FBP2: variants seen among roughly 807,000 people sequenced by gnomAD.
FBP2 encodes fructose-1,6-bisphosphatase isozyme 2.
FBP2 carries 27 observed loss-of-function variants against 31.6 expected under a neutral mutation model. The ratio of observed to expected loss-of-function variants is 0.85; its 90% CI spans 0.63 to 1.18. The LOEUF (loss-of-function observed/expected upper bound fraction) is 1.18. Ranked by LOEUF, FBP2 falls within the 50% of genes most tolerant of loss-of-function variation. FBP2 has a pLI of 0.00. For missense variants in FBP2, 421 were observed against 436.1 expected (o/e 0.97, Z 0.31); for synonymous variants, 168 against 179.8 (o/e 0.93, Z 0.53).
chr9:94,560,341 TTGAAA>T (rs1474839123), intron 6 of FBP2, among the ~76,000 whole-genome samples: 3 of 152,138 alleles, frequency 2.0e-5, no homozygotes, highest in African/African-American at 7.2e-5. Context: ...ACGCAGTGAA[TTGAAA>T]TGAATGGGGT....
chr9:94,569,295 C>T (rs993027734), intron 4 of FBP2: 11 of 152,410 alleles, frequency 7.2e-5, no homozygotes, highest in East Asian at 1.9e-4. Flanking sequence ...AGACCACTGC[C>T]GTGCTTCCTG....
At chr9:94,586,544 A>G (rs1194321726) in intron 2 of FBP2, 1 of 152,232 alleles carries the variant, frequency 6.6e-6, no homozygotes, top group African/African-American at 2.4e-5. Context: ...TAATAGTGTG[A>G]TGTAGCTAAA....
intron 3 of FBP2, among the ~76,000 whole-genome samples, chr9:94,574,562 C>T (rs514222): frequency 0.26 from 40,140 of 151,932 alleles, 6,711 homozygotes; most frequent in East Asian, 0.53. Flanking sequence ...TTGTATATGT[C>T]ACAAATATTT....
chr9:94,589,310 A>G (rs1474866901), intron 1 of FBP2, among the ~76,000 whole-genome samples: 2 of 152,136 alleles, frequency 1.3e-5, no homozygotes, highest in East Asian at 1.9e-4. Flanking sequence ...TTCCCACCAC[A>G]GCAGTGCTCT....
At chr9:94,572,433 G>A (rs1457255932) in intron 3 of FBP2, among the ~76,000 whole-genome samples, 1 of 152,196 alleles carries the variant, frequency 6.6e-6, no homozygotes, top group African/African-American at 2.4e-5. Flanking sequence ...CTGGAGTACA[G>A]CATTGTTGTG....
chr9:94,579,073 T>TAAAAAAAAAAAAA (rs1827347830), intron 3 of FBP2, among the ~76,000 whole-genome samples: 2 of 35,742 alleles, frequency 5.6e-5, no homozygotes, highest in Admixed American at 5.4e-4. Context: ...AAAAAAAGGT[T>TAAAAAAAAAAAAA]ATTTTAAAAG....
intron 3 of FBP2, among the ~76,000 whole-genome samples, chr9:94,576,405 G>A (rs1827314861): frequency 6.6e-6 from 1 of 152,206 alleles, no homozygotes; most frequent in African/African-American, 2.4e-5. Context: ...TGCAGGCAGT[G>A]AGCATGTGGA....
At chr9:94,582,850 C>CTTTT (rs1174064928) in intron 3 of FBP2, among the ~76,000 whole-genome samples, 4 of 107,546 alleles carry the variant, frequency 3.7e-5, no homozygotes, top group East Asian at 2.6e-4. Context: ...TCCCAGCCCC[C>CTTTT]TTTTTTTTTT....
chr9:94,590,500 C>T (rs1022156340), intron 1 of FBP2, among the ~76,000 whole-genome samples: 1 of 152,170 alleles, frequency 6.6e-6, no homozygotes, highest in Admixed American at 6.5e-5. Context: ...GTCTCACTGA[C>T]TTCAAGAATG....
chr9:94,579,353 AT>A (rs1378453765), intron 3 of FBP2, among the ~76,000 whole-genome samples: 1 of 137,366 alleles, frequency 7.3e-6, no homozygotes, highest in Non-Finnish European at 1.5e-5. Flanking sequence ...AGCCGAGATT[AT>A]GCCACCGCAC....
intron 1 of FBP2, among the ~76,000 whole-genome samples, chr9:94,592,097 T>C (rs1827510010): frequency 6.6e-6 from 1 of 152,116 alleles, no homozygotes; most frequent in African/African-American, 2.4e-5. Context: ...AGAGGCAAAG[T>C]CCCTGTCTAC....
intron 5 of FBP2, 121 bp from the exon 6 acceptor site, chr9:94,563,582 C>G (rs771623004): frequency 7.6e-6 from 8 of 1,046,126 alleles, no homozygotes; most frequent in Non-Finnish European, 1.1e-5. Flanking sequence ...CCTCCACCCA[C>G]TAGTGTAGGA....
At chr9:94,590,229 C>G (rs1587846982) in intron 1 of FBP2, among the ~76,000 whole-genome samples, 2 of 152,138 alleles carry the variant, frequency 1.3e-5, no homozygotes, top group African/African-American at 4.8e-5. Flanking sequence ...TTGCAGTGTT[C>G]TGACTGACAC....
rs566572087 is a variant in FBP2, at chr9:94,593,427, G to T, written c.170+130C>A. ...AGCACACATGATAGGAACTTGAAATGCAGCTTCCATCTAGGGCACACAGGG... is the reference window on the plus strand; with the variant it reads ...AGCACACATGATAGGAACTTGAAATTCAGCTTCCATCTAGGGCACACAGGG... On this transcript the variant is annotated intron_variant, in intron 1 of 6. Coordinates refer to ENST00000375337, the MANE Select transcript of FBP2 (RefSeq NM_003837.4). The T allele has an allele frequency of 5.4e-5, 42 of 775,356 alleles. 2 individuals carry two copies. In the South Asian group the frequency reaches 9.9e-4, roughly 18 times the overall value. 48.0% of individuals were successfully genotyped at this position (775,356 alleles called of 1,614,324 possible). A position where few individuals can be genotyped will look rare whatever the true frequency, so the allele number is the denominator to read the frequency against.
intron 2 of FBP2, among the ~76,000 whole-genome samples, chr9:94,586,109 C>T (rs1827424509): frequency 6.6e-6 from 1 of 152,186 alleles, no homozygotes; most frequent in African/African-American, 2.4e-5. Flanking sequence ...GGCATGGTGG[C>T]TCACGCCTGT....
chr9:94,583,945 T>C (rs548934587), intron 3 of FBP2, among the ~76,000 whole-genome samples: 12 of 152,302 alleles, frequency 7.9e-5, no homozygotes, highest in Admixed American at 4.6e-4. Flanking sequence ...ACACTTTATA[T>C]AGAATGAAGG....
Sources: gnomAD v4.1 joint callset for allele counts (sites outside exome capture counted in the v4.1 genomes callset) on GRCh38, gnomAD v4.1.1 for gene constraint, MANE v1.5 for transcripts, NCBI Gene and HGNC (gene_info 2026-07-23, HGNC 2026-07-21) for gene names.